The following TCERG1 variants were observed in gnomAD, a reference collection of about 807,000 sequenced individuals.
The protein encoded by TCERG1 is transcription elongation regulator 1, also known as TATA box binding protein (TBP)-associated factor, RNA polymerase II, S, 150kD.
TCERG1 carries 37 observed loss-of-function variants against 144.7 expected under a neutral mutation model. The ratio of observed to expected loss-of-function variants is 0.26; its 90% CI spans 0.20 to 0.34. The LOEUF (loss-of-function observed/expected upper bound fraction) is 0.34. TCERG1 is among the 10% of genes least tolerant of loss of function. The pLI is 1.00. For synonymous variants in TCERG1, 492 were observed against 458.2 expected (o/e 1.07, Z -0.94); for missense variants, 1,027 against 1,380.7 (o/e 0.74, Z 4.06).
chr5:146,468,195 A>T, intron 5 of TCERG1, 146 bp from the exon 6 acceptor site: 1 of 610,704 alleles, frequency 1.6e-6, no homozygotes, highest in East Asian at 3.2e-5. Flanking sequence ...CAAAATGTCA[A>T]ACAGAAAGAA....
intron 9 of TCERG1, among the ~76,000 whole-genome samples, chr5:146,476,562 A>G (rs560747651): frequency 6.6e-6 from 1 of 152,080 alleles, no homozygotes; most frequent in South Asian, 2.1e-4. Context: ...TAAAAAAAAT[A>G]ATTATGGAAA....
In TCERG1 at chr5:146,468,345, A is replaced by G; in HGVS notation, c.1140A>G (p.Val380=). 1 of 1,609,122 alleles carries G rather than the reference A, an allele frequency of 6.2e-7. No homozygotes were observed. The highest frequency in any genetic ancestry group is 8.5e-7 in the Non-Finnish European group (1 of 1,177,604). Residue 380 remains valine (V), a synonymous_variant, in exon 6 of 23, where the codon GTA becomes GTG. Transcript: ENST00000679501. ...GCTTGCTTATCCATTTTACAGGTGT[A>G]GCAATGATGCAAATAGTCAGCTGCC... ...LPGMPIPLPG[V]AMMQIVSCPY...
At chr5:146,482,994 A>G (rs1219626913) in intron 14 of TCERG1, among the ~76,000 whole-genome samples, 1 of 152,202 alleles carries the variant, frequency 6.6e-6, no homozygotes, top group Non-Finnish European at 1.5e-5. Flanking sequence ...TAAGACGAGT[A>G]TTAACATTAC....
chr5:146,471,938 G>T (rs1234248658), intron 9 of TCERG1, among the ~76,000 whole-genome samples: 13 of 152,040 alleles, frequency 8.6e-5, no homozygotes, highest in Admixed American at 8.5e-4. Flanking sequence ...TTGTTACATG[G>T]TTTATTTTGT....
chr5:146,468,988 C>T (rs1764039341), intron 6 of TCERG1, among the ~76,000 whole-genome samples: 1 of 151,038 alleles, frequency 6.6e-6, no homozygotes, highest in Admixed American at 6.6e-5. Context: ...CTTGGTTTGT[C>T]TTCTAAAAAG....
At chr5:146,470,067 G>A (rs1581438583) in intron 7 of TCERG1, among the ~76,000 whole-genome samples, 2 of 152,264 alleles carry the variant, frequency 1.3e-5, no homozygotes, top group Non-Finnish European at 2.9e-5. Flanking sequence ...AGATCAGGAA[G>A]GAATGTGTTT....
At chr5:146,469,485 G>A in intron 6 of TCERG1, 59 bp from the exon 7 acceptor site, 1 of 1,388,184 alleles carries the variant, frequency 7.2e-7, no homozygotes, top group Non-Finnish European at 9.7e-7. Context: ...ATATTTTAGA[G>A]TTTTATTTTG....
At chr5:146,471,791 G>A (rs1764334285) in intron 9 of TCERG1, among the ~76,000 whole-genome samples, 1 of 152,044 alleles carries the variant, frequency 6.6e-6, no homozygotes, top group South Asian at 2.1e-4. Flanking sequence ...TAGAGACGGG[G>A]TTTCACCATG....
intron 4 of TCERG1, among the ~76,000 whole-genome samples, 176 bp downstream of exon 4, chr5:146,459,513 CAGG>C (rs1763160612): frequency 6.6e-6 from 1 of 152,128 alleles, no homozygotes; most frequent in South Asian, 2.1e-4. Context: ...TTTATATTAA[CAGG>C]AGAAATTATT....
chr5:146,495,141 T>C (rs1320981392), intron 16 of TCERG1, among the ~76,000 whole-genome samples: 3 of 152,222 alleles, frequency 2.0e-5, no homozygotes, highest in Admixed American at 1.3e-4. Context: ...TCATAGTTTA[T>C]GCTTTAATCA....
At position 146,459,173 on chromosome 5, in the gene TCERG1, T is replaced by C. The variant is rs537772467; in HGVS notation, c.728T>C (p.Val243Ala). 7 of 1,611,926 alleles carry C rather than the reference T, an allele frequency of 4.3e-6. No homozygotes were observed. The highest frequency in any genetic ancestry group is 2.7e-5 in the African/African-American group (2 of 74,388). The part of the protein sequence containing the change: ...AQAQAQAQAQ[V>A]QAQVQAQVQA... The stretch of plus-strand genomic sequence containing the variant: ...GCTCAGGCCCAGGCCCAGGCTCAGG[T>C]CCAGGCCCAGGTCCAGGCACAAGTG... The change falls in exon 4 of 23, where the codon GTC becomes GCC. Residue 243 changes from valine (V) to alanine (A), a missense_variant. Physicochemically the swap from Val to Ala is moderately conservative, Grantham distance 64. Around this residue, in one of 6 missense-constraint regions of TCERG1, gnomAD observed 187 missense variants for 169.1 expected, o/e 1.11. Transcript: ENST00000679501.
Position 146,507,222 on chromosome 5 carries a change from T to G in TCERG1, c.2961+15T>G. ...AAACTTCTGCAGTAAGAATCTCTTA[T>G]TTTTCTCATTTTAATCTGGATGAAT... On this transcript the variant is annotated intron_variant, in intron 20 of 22. Coordinates refer to ENST00000679501, the MANE Select transcript of TCERG1 (RefSeq NM_001382548.1). The surrounding 1 kb of genome is among the most constrained non-coding windows in gnomAD (Gnocchi z 4.6). 1 of 1,555,164 alleles carries G rather than the reference T, an allele frequency of 6.4e-7. No homozygotes were observed.
intron 4 of TCERG1, among the ~76,000 whole-genome samples, chr5:146,462,901 A>G (rs1411588394): frequency 6.6e-6 from 1 of 152,226 alleles, no homozygotes; most frequent in Admixed American, 6.5e-5. Flanking sequence ...ATATATTAAT[A>G]GTAAAATGTG....
rs749428129 is a variant in TCERG1, at chr5:146,468,376, G to A, written c.1171G>A (p.Val391Ile). Residue 391 changes from valine (V) to isoleucine (I), a missense_variant, in exon 6 of 23, where the codon GTA (valine) becomes ATA (isoleucine). Coordinates refer to ENST00000679501, the MANE Select transcript of TCERG1 (RefSeq NM_001382548.1). Reference sequence around the variant, plus strand: ...GATGCAAATAGTCAGCTGCCCGTATGTAAAGACAGTCGCTACCACCAAGAC... The same window carrying A: ...GATGCAAATAGTCAGCTGCCCGTATATAAAGACAGTCGCTACCACCAAGAC... ...AMMQIVSCPY[V>I]KTVATTKTGV... 6 of 1,610,074 alleles carry A rather than the reference G, an allele frequency of 3.7e-6. No homozygotes were observed. Among genetic ancestry groups the A allele is most frequent in the South Asian group, 2.2e-5 (2 of 90,312 alleles).
At chr5:146,482,860 C>A in intron 14 of TCERG1, 133 bp downstream of exon 14, 1 of 1,242,462 alleles carries the variant, frequency 8.0e-7, no homozygotes, top group Non-Finnish European at 1.1e-6. Context: ...AATTACTGTA[C>A]ATTTTTTGCA....
chr5:146,501,010 A>G (rs1284245737), intron 17 of TCERG1, among the ~76,000 whole-genome samples: 1 of 151,824 alleles, frequency 6.6e-6, no homozygotes, highest in African/African-American at 2.4e-5. Context: ...CTTTCAAAAA[A>G]AAAAAAAAAG....
chr5:146,447,726 C>T (rs747298975), intron 1 of TCERG1, among the ~76,000 whole-genome samples: 1 of 152,244 alleles, frequency 6.6e-6, no homozygotes, highest in Non-Finnish European at 1.5e-5. Flanking sequence ...CGCGTGTCGC[C>T]TCCGTCTCGG....
intron 9 of TCERG1, among the ~76,000 whole-genome samples, chr5:146,473,154 C>A (rs1303451067): frequency 6.6e-6 from 1 of 152,218 alleles, no homozygotes; most frequent in Admixed American, 6.5e-5. Context: ...ATGAAAAGTG[C>A]TATTCATGTG....
intron 22 of TCERG1, 122 bp from the exon 23 acceptor site, chr5:146,510,318 TA>T (rs546570760): frequency 0.28 from 154,118 of 546,288 alleles, 3,595 homozygotes; most frequent in East Asian, 0.45. Context: ...AAATTTTTCT[TA>T]AAAAAAAAAA....
Sources: gnomAD v4.1 joint callset for allele counts (sites outside exome capture counted in the v4.1 genomes callset) on GRCh38, gnomAD v4.1.1 for gene constraint, gnomAD v4.1.1 regional missense constraint, Gnocchi (gnomAD v3.1) non-coding constraint, MANE v1.5 for transcripts, NCBI Gene and HGNC (gene_info 2026-07-23, HGNC 2026-07-21) for gene names.